Variants in MS4A14 observed in about 807,000 individuals in gnomAD.
The protein encoded by MS4A14 is membrane-spanning 4-domains subfamily A member 14.
In MS4A14, 18 loss-of-function variants were observed where a neutral mutation model predicts 16.7. The ratio of observed to expected loss-of-function variants is 1.08; its 90% CI spans 0.75 to 1.60. The LOEUF is 1.60. Among genes scored for constraint, MS4A14 ranks in the 40% most tolerant of loss-of-function variants. The probability of loss-of-function intolerance (pLI) is 0.00; values close to 1 mark genes in which losing one functional copy is unlikely to be tolerated. For synonymous variants in MS4A14, 305 were observed against 289.4 expected (o/e 1.05, Z -0.55); for missense variants, 812 against 775.3 (o/e 1.05, Z -0.56).
intron 4 of MS4A14, chr11:60,404,789 G>A (rs370150304): frequency 2.3e-5 from 7 of 309,670 alleles, no homozygotes; most frequent in African/African-American, 6.5e-5. Context: ...TTAGAGTAGC[G>A]CATAGCTCCC....
chr11:60,407,639 C>A (rs2085808022), intron 4 of MS4A14, among the ~76,000 whole-genome samples: 1 of 152,054 alleles, frequency 6.6e-6, no homozygotes, highest in Non-Finnish European at 1.5e-5. Flanking sequence ...TGTAGTGGCA[C>A]CTCATTGTAG....
intron 4 of MS4A14, among the ~76,000 whole-genome samples, chr11:60,407,881 A>T (rs900321148): frequency 6.6e-6 from 1 of 152,132 alleles, no homozygotes; most frequent in Non-Finnish European, 1.5e-5. Flanking sequence ...TCTTTGAAAA[A>T]AACAAATTTG....
At chr11:60,411,006 A>G (rs2085861358) in intron 4 of MS4A14, among the ~76,000 whole-genome samples, 1 of 151,844 alleles carries the variant, frequency 6.6e-6, no homozygotes, top group Non-Finnish European at 1.5e-5. Flanking sequence ...CCACCATGCC[A>G]GGCTAATTTT....
Position 60,417,066 on chromosome 11 carries a change from A to T in MS4A14, c.*58A>T, listed in dbSNP as rs2085959469. ...CGAGAATGGCAATTTGAAATGAAGC[A>T]CTGGCAAACACAGGATCTATTAGAG... On this transcript the variant is annotated 3_prime_UTR_variant, in exon 5 of 5. Coordinates refer to ENST00000300187, the MANE Select transcript of MS4A14 (RefSeq NM_032597.5). 1.3e-6 allele frequency: 2 copies of T among 1,549,090 alleles called. No individual in the cohort carries two copies. Among genetic ancestry groups the T allele is most frequent in the Non-Finnish European group, 1.7e-6 (2 of 1,151,996 alleles).
At chr11:60,405,944 C>T in intron 4 of MS4A14, 1 of 1,533,468 alleles carries the variant, frequency 6.5e-7, no homozygotes, top group East Asian at 2.4e-5. Flanking sequence ...ATCTCTGTGA[C>T]TATTGCATCC....
intron 4 of MS4A14, 99 bp from the exon 5 acceptor site, chr11:60,415,338 T>A (rs2085921864): frequency 1.1e-5 from 14 of 1,291,156 alleles, no homozygotes; most frequent in African/African-American, 1.5e-5. Context: ...TTATTTCCTA[T>A]CTACTGTCTT....
At chr11:60,413,967 G>A (rs1052402215) in intron 4 of MS4A14, among the ~76,000 whole-genome samples, 9 of 151,994 alleles carry the variant, frequency 5.9e-5, no homozygotes, top group Admixed American at 1.3e-4. Flanking sequence ...ACAGCTCTAC[G>A]ATACTGGTCT....
In MS4A14 at chr11:60,416,781, C is replaced by T. The variant is rs779241476; in HGVS notation, c.1813C>T (p.Gln605Ter). The change falls in exon 5 of 5, where the codon CAA (glutamine) becomes TAA (stop). Residue 605 changes from glutamine to a stop codon, truncating the protein, a stop_gained. Transcript: ENST00000300187. LOFTEE classifies it low-confidence loss of function (END_TRUNC). ...CTCAAAGAAGCAAACCCAGGATCAGCAAACTGAAGACCAGCCGGCCCAAGA... is the reference window on the plus strand; with the variant it reads ...CTCAAAGAAGCAAACCCAGGATCAGTAAACTGAAGACCAGCCGGCCCAAGA... ...QNSKKQTQDQ[Q>*]TEDQPAQEKK... 2.0e-5 allele frequency: 32 copies of T among 1,613,410 alleles called. No homozygotes were observed. The highest frequency in any genetic ancestry group is 2.5e-5 in the Non-Finnish European group (29 of 1,179,798).
chr11:60,397,507 G>A (rs1387382708), intron 1 of MS4A14, among the ~76,000 whole-genome samples: 2 of 152,130 alleles, frequency 1.3e-5, no homozygotes, highest in Non-Finnish European at 2.9e-5. Context: ...CAAATGTAAA[G>A]GTGAATAGTT....
intron 4 of MS4A14, among the ~76,000 whole-genome samples, chr11:60,408,693 T>A (rs995700362): frequency 6.6e-6 from 1 of 152,218 alleles, no homozygotes; most frequent in Non-Finnish European, 1.5e-5. Flanking sequence ...ATATTTTGCT[T>A]AGCCATTAAT....
At chr11:60,398,451 T>G (rs540654897) in intron 2 of MS4A14, among the ~76,000 whole-genome samples, 1 of 152,176 alleles carries the variant, frequency 6.6e-6, no homozygotes, top group Non-Finnish European at 1.5e-5. Flanking sequence ...GATAATCATA[T>G]AGCCATAAAT....
chr11:60,412,780 T>A (rs2085886212), intron 4 of MS4A14, among the ~76,000 whole-genome samples: 1 of 151,968 alleles, frequency 6.6e-6, no homozygotes, highest in African/African-American at 2.4e-5. Context: ...AATCAGATAG[T>A]ATAAATCTTC....
At position 60,410,529 on chromosome 11, in the gene MS4A14, T is replaced by C. The variant is rs1033150271; in HGVS notation, c.469-4908T>C. On this transcript the variant is annotated intron_variant, in intron 4 of 4. Coordinates refer to ENST00000300187, the MANE Select transcript of MS4A14 (RefSeq NM_032597.5). ...CCATGAAATTATTGCCAAATTGTCA[T>C]GAAGATATCTTCCAACTTTTTTCCA... Among the ~76,000 whole-genome samples the C allele has an allele frequency of 2.6e-5, 4 of 152,240 alleles. No homozygotes were observed. In the South Asian group the frequency reaches 8.3e-4, roughly 32 times the overall value.
chr11:60,402,113 A>G (rs191687593), intron 3 of MS4A14, among the ~76,000 whole-genome samples: 19 of 152,244 alleles, frequency 1.2e-4, no homozygotes, highest in Admixed American at 1.1e-3. Context: ...AAGAAGGAAG[A>G]AATCAGATGA....
chr11:60,396,823 A>C (rs1021691344), intron 1 of MS4A14, 107 bp downstream of exon 1: 1 of 1,211,166 alleles, frequency 8.3e-7, no homozygotes, highest in Admixed American at 2.8e-5. Flanking sequence ...GAGGGAGTTA[A>C]TTCTACTTTT....
intron 2 of MS4A14, 136 bp downstream of exon 2, chr11:60,398,116 G>C: frequency 2.1e-5 from 16 of 765,042 alleles, no homozygotes; most frequent in East Asian, 3.1e-5. Flanking sequence ...CACGGCAAAA[G>C]AAGCAACTCC....
chr11:60,406,554 A>C (rs1182124666), intron 4 of MS4A14, among the ~76,000 whole-genome samples: 1 of 152,252 alleles, frequency 6.6e-6, no homozygotes, highest in Non-Finnish European at 1.5e-5. Context: ...TAACCTCTCC[A>C]GTACCACATA....
chr11:60,408,674 G>A (rs775695984), intron 4 of MS4A14, among the ~76,000 whole-genome samples: 9 of 152,112 alleles, frequency 5.9e-5, no homozygotes, highest in African/African-American at 1.9e-4. Context: ...TCCATTTTGT[G>A]TATATACCAT....
chr11:60,412,455 G>A (rs1255213862), intron 4 of MS4A14, among the ~76,000 whole-genome samples: 1 of 151,690 alleles, frequency 6.6e-6, no homozygotes, highest in Non-Finnish European at 1.5e-5. Context: ...ATCATTTTAG[G>A]TAATTTGTGT....
Sources: allele counts gnomAD v4.1 joint callset (sites outside exome capture counted in the v4.1 genomes callset), GRCh38; gene constraint gnomAD v4.1.1; transcripts MANE v1.5; gene names NCBI Gene and HGNC (gene_info 2026-07-23, HGNC 2026-07-21).